The following AATF variants were observed in gnomAD, a reference collection of about 807,000 sequenced individuals.
AATF encodes apoptosis antagonizing transcription factor, also known as protein AATF.
In AATF, 48 loss-of-function variants were observed where a neutral mutation model predicts 63.7. The observed-to-expected ratio is 0.75, with a 90% CI of 0.60 to 0.96. The LOEUF is 0.96. Among genes scored for constraint, AATF ranks in the 40% least tolerant of loss-of-function variants. The probability of loss-of-function intolerance (pLI) is 0.00; values close to 1 mark genes in which losing one functional copy is unlikely to be tolerated. For missense variants in AATF, 639 were observed against 685.7 expected, an observed-to-expected ratio of 0.93 and a Z score of 0.76; for synonymous variants, 258 against 247.7, an observed-to-expected ratio of 1.04 and a Z score of -0.39.
At chr17:36,999,675 G>A (rs1376566531) in intron 8 of AATF, among the ~76,000 whole-genome samples, 1 of 152,048 alleles carries the variant, frequency 6.6e-6, no homozygotes, top group Non-Finnish European at 1.5e-5. Flanking sequence ...AACTGGTTAT[G>A]GTGAAAGCAA....
Position 36,971,912 on chromosome 17 carries a change from G to C in AATF, c.833-14705G>C, listed in dbSNP as rs151338058. ...AATGGGAGAAAGGTCCGAGTGCAAA[G>C]AGGCAGCCCAGCTTTCTTCTTTGTT... On this transcript the variant is annotated intron_variant, in intron 4 of 11. Transcript: ENST00000619387. 3.4e-4 allele frequency among the ~76,000 whole-genome samples: 52 copies of C among 152,306 alleles called. No individual in the cohort carries two copies. In the East Asian group the frequency reaches 9.5e-3, roughly 28 times the overall value.
intron 10 of AATF, among the ~76,000 whole-genome samples, chr17:37,026,020 A>G (rs751807887): frequency 2.0e-5 from 3 of 152,204 alleles, no homozygotes; most frequent in South Asian, 4.1e-4. Context: ...AGACATATCT[A>G]TACCCCCTGT....
intron 8 of AATF, among the ~76,000 whole-genome samples, chr17:36,995,057 G>A (rs1039503733): frequency 1.3e-5 from 2 of 152,192 alleles, no homozygotes; most frequent in African/African-American, 4.8e-5. Flanking sequence ...AGGACTAATT[G>A]AGCTTAGATG....
chr17:36,991,129 G>A (rs1211430902), intron 8 of AATF, among the ~76,000 whole-genome samples: 3 of 152,088 alleles, frequency 2.0e-5, no homozygotes, highest in Non-Finnish European at 4.4e-5. Context: ...TTTTTTCTCT[G>A]AGTCAAGTGG....
intron 4 of AATF, among the ~76,000 whole-genome samples, chr17:36,960,527 G>A (rs1242560334): frequency 2.6e-5 from 4 of 152,060 alleles, no homozygotes; most frequent in African/African-American, 7.2e-5. Flanking sequence ...TACCCCTGCC[G>A]CCCAGTACCC....
At chr17:36,999,599 C>T (rs1415468842) in intron 8 of AATF, among the ~76,000 whole-genome samples, 1 of 152,160 alleles carries the variant, frequency 6.6e-6, no homozygotes, top group Non-Finnish European at 1.5e-5. Context: ...CATGAGCGTT[C>T]ATTCTAGCTT....
intron 11 of AATF, among the ~76,000 whole-genome samples, chr17:37,041,789 G>C (rs1427182772): frequency 1.3e-5 from 2 of 152,190 alleles, no homozygotes; most frequent in Non-Finnish European, 2.9e-5. Flanking sequence ...ACAGGTGTGA[G>C]CCACCACACC....
At chr17:37,047,905 T>C (rs1041085651) in intron 11 of AATF, among the ~76,000 whole-genome samples, 1 of 152,208 alleles carries the variant, frequency 6.6e-6, no homozygotes, top group Admixed American at 6.5e-5. Flanking sequence ...TAGTGTCGGA[T>C]TGGACATGAT....
rs201320744 is a variant in AATF, at chr17:37,025,215, TTTG to T, written c.1547+4210_1547+4212del. On this transcript the variant is annotated intron_variant, in intron 10 of 11. Transcript: ENST00000619387. ...GAGAGGCTGCAAGGAGAACATCTTT[TTTG>T]TTGTTGTTTTTTGAGGGAGGGAGTG... Among the ~76,000 whole-genome samples, 1,337 of 152,282 alleles carry T rather than the reference TTTG, an allele frequency of 8.8e-3. 18 individuals carry two copies. The highest frequency in any genetic ancestry group is 0.031 in the African/African-American group (1,285 of 41,542).
At chr17:37,033,216 C>G (rs539896014) in intron 11 of AATF, among the ~76,000 whole-genome samples, 1 of 152,254 alleles carries the variant, frequency 6.6e-6, no homozygotes, top group Non-Finnish European at 1.5e-5. Flanking sequence ...AAGTGAATGT[C>G]TAGATATGGC....
chr17:37,035,708 A>G (rs565166608), intron 11 of AATF, among the ~76,000 whole-genome samples: 18 of 151,758 alleles, frequency 1.2e-4, no homozygotes, highest in Non-Finnish European at 2.1e-4. Flanking sequence ...CGGCCTCCCA[A>G]AGTGCTAGGA....
chr17:37,047,475 C>T (rs1489509919), intron 11 of AATF, among the ~76,000 whole-genome samples: 2 of 152,154 alleles, frequency 1.3e-5, no homozygotes, highest in East Asian at 1.9e-4. Context: ...CACGTGCAGT[C>T]CCCTTCTCGC....
In AATF at chr17:37,020,986, A is replaced by G. The variant is rs780930998; in HGVS notation, c.1519A>G (p.Arg507Gly). ...LRSKIHKKVDRKASKGRKLRF... is the reference protein window; with the variant it reads ...LRSKIHKKVDGKASKGRKLRF... The stretch of plus-strand genomic sequence containing the variant: ...AAGCAAAATCCACAAAAAAGTAGAT[A>G]GGAAAGCCAGCAAAGGCAGGAAACT... The change falls in exon 10 of 12, where the codon AGG becomes GGG. Residue 507 changes from arginine (R) to glycine (G), a missense_variant. Coordinates refer to ENST00000619387, the MANE Select transcript of AATF (RefSeq NM_012138.4). The G allele has an allele frequency of 1.2e-6, 2 of 1,611,702 alleles. No homozygotes were observed. Among genetic ancestry groups the G allele is most frequent in the Admixed American group, 3.4e-5 (2 of 59,592 alleles).
intron 4 of AATF, among the ~76,000 whole-genome samples, chr17:36,962,090 C>T (rs1185147324): frequency 3.3e-5 from 5 of 152,208 alleles, no homozygotes; most frequent in Non-Finnish European, 1.5e-5. Context: ...CTCCTGCCTC[C>T]ACTAGGTATT....
chr17:36,959,792 T>G (rs1367139102), intron 4 of AATF, among the ~76,000 whole-genome samples: 4 of 152,236 alleles, frequency 2.6e-5, no homozygotes, highest in African/African-American at 9.6e-5. Flanking sequence ...GTTGTCATTT[T>G]GATATTTCCC....
intron 8 of AATF, among the ~76,000 whole-genome samples, chr17:36,994,041 ATG>A (rs1301071778): frequency 6.6e-6 from 1 of 152,174 alleles, no homozygotes; most frequent in Non-Finnish European, 1.5e-5. Context: ...ATACATATGT[ATG>A]TGTGTGGGCC....
rs771320656 is a variant in AATF, at chr17:36,953,010, C to T, written c.408C>T (p.Ser136=). The T allele has an allele frequency of 6.2e-7, 1 of 1,614,032 alleles. No individual in the cohort carries two copies. Among genetic ancestry groups the T allele is most frequent in the South Asian group, 1.1e-5 (1 of 91,078 alleles). ...AGGAGTGTGGTGATCACAGGGAGAGCAAGAAGAGCAGAAGCCACTCTGCAA... is the reference window on the plus strand; with the variant it reads ...AGGAGTGTGGTGATCACAGGGAGAGTAAGAAGAGCAGAAGCCACTCTGCAA... ...EEQECGDHRE[S]KKSRSHSAKT... Residue 136 remains serine, a synonymous_variant, in exon 3 of 12, where the codon AGC becomes AGT. Transcript: ENST00000619387.
intron 4 of AATF, among the ~76,000 whole-genome samples, chr17:36,978,347 A>G (rs2071094529): frequency 6.6e-6 from 1 of 152,142 alleles, no homozygotes; most frequent in African/African-American, 2.4e-5. Context: ...TCACAAAAAC[A>G]CTTTGCATTC....
Position 36,969,692 on chromosome 17 carries a change from A to G in AATF, c.832+15785A>G, listed in dbSNP as rs556633583. On this transcript the variant is annotated intron_variant, in intron 4 of 11. Transcript: ENST00000619387. ...ATATAATTGACATAATAAATTGCCC[A>G]TATGTCCAGTGTGTAATTTGACATT... Among the ~76,000 whole-genome samples, 3 of 152,370 alleles carry G rather than the reference A, an allele frequency of 2.0e-5. No individual in the cohort carries two copies. In the East Asian group the frequency reaches 5.8e-4, roughly 29 times the overall value.
Sources: gnomAD v4.1 joint callset for allele counts (sites outside exome capture counted in the v4.1 genomes callset) on GRCh38, gnomAD v4.1.1 for gene constraint, MANE v1.5 for transcripts, NCBI Gene and HGNC (gene_info 2026-07-23, HGNC 2026-07-21) for gene names.